Variants in ZNF500 observed in about 807,000 individuals in gnomAD.
ZNF500 encodes zinc finger protein with KRAB and SCAN domains 18.
A neutral mutation model predicts 30.1 loss-of-function variants in ZNF500; 31 were observed. The ratio of observed to expected loss-of-function variants is 1.03; its 90% CI spans 0.77 to 1.39. The LOEUF is 1.39. Among genes scored for constraint, ZNF500 ranks in the 40% most tolerant of loss-of-function variants. The pLI is 0.00. For synonymous variants in ZNF500, 392 were observed against 282.0 expected (o/e 1.39, Z -3.91); for missense variants, 817 against 657.8 (o/e 1.24, Z -2.65).
rs956107764 is a variant in ZNF500 at position 4,752,356 on chromosome 16, G to A, written c.*20C>T. The A allele has an allele frequency of 1.6e-5, 23 of 1,465,798 alleles. No homozygotes were observed. Among genetic ancestry groups the A allele is most frequent in the Non-Finnish European group, 1.2e-5 (13 of 1,112,658 alleles). The allele number at this position is 1,465,798 out of a possible 1,614,324, so 90.8% of individuals were successfully genotyped here. The stretch of plus-strand genomic sequence containing the variant: ...TGCCCAGGGATGAGAGTCCTGGAAA[G>A]GGAGTTTCAGGCCTGGTGATCAGGC... On this transcript the variant is annotated 3_prime_UTR_variant, in exon 6 of 6. Transcript: ENST00000219478.
downstream of ZNF500, among the ~76,000 whole-genome samples, chr16:4,747,851 C>A (rs1186330125): frequency 6.6e-6 from 1 of 152,136 alleles, no homozygotes; most frequent in Non-Finnish European, 1.5e-5. Flanking sequence ...CCTGTGACAA[C>A]AGCTTTGGGA....
rs149387638 is a variant in ZNF500 at position 4,762,320 on chromosome 16, C to T, written c.614G>A (p.Arg205Gln). ...CGAGGCTGACGCCATCTCCTGATGC[C>T]GGGGAGCTGGAGGGCCTGGGAAGGA... ...LWPERGPPAP[R>Q]HQEMASASPF... Residue 205 changes from arginine to glutamine, a missense_variant, in exon 4 of 6, where the codon CGG (arginine) becomes CAG (glutamine). Physicochemically the swap from Arg to Gln is conservative, Grantham distance 43. Coordinates refer to ENST00000219478, the MANE Select transcript of ZNF500 (RefSeq NM_021646.4). 21 of 1,608,936 alleles carry T rather than the reference C, an allele frequency of 1.3e-5. No individual in the cohort carries two copies. Among genetic ancestry groups the T allele is most frequent in the South Asian group, 8.9e-5 (8 of 90,242 alleles).
chr16:4,757,754 C>T (rs2082151806), intron 5 of ZNF500, among the ~76,000 whole-genome samples: 1 of 151,546 alleles, frequency 6.6e-6, no homozygotes, highest in South Asian at 2.1e-4. Context: ...AGATGAGTAC[C>T]ACCACACCCA....
chr16:4,762,505 C>T, intron 3 of ZNF500, 68 bp downstream of exon 3: 1 of 1,548,934 alleles, frequency 6.5e-7, no homozygotes, highest in South Asian at 1.2e-5. Context: ...GGCCACAGTC[C>T]ACACCCCAGT....
At chr16:4,744,727 T>C, downstream of ZNF500, 18 of 1,033,564 alleles carry the variant, frequency 1.7e-5, no homozygotes, top group Admixed American at 2.6e-5. Context: ...GAGGGCTGAG[T>C]AGGGAGAGGG....
In ZNF500 at chr16:4,765,778, G is replaced by A. The variant is rs1392366099; in HGVS notation, c.201C>T (p.Ala67=). 6.2e-7 allele frequency: 1 copy of A among 1,612,942 alleles called. No individual in the cohort carries two copies. The change falls in exon 2 of 6, where the codon GCC becomes GCT. Residue 67 remains alanine (A), a synonymous_variant. Transcript: ENST00000219478. The stretch of plus-strand genomic sequence containing the variant: ...AGCACAGCTCCCAGAGGCGGCTCAG[G>A]GCCTCCCGGGGCCCAGCCACCTCCT... ...CYQEVAGPRE[A]LSRLWELCCR...
At chr16:4,754,883 AT>A (rs1221460036) in intron 5 of ZNF500, among the ~76,000 whole-genome samples, 2 of 152,090 alleles carry the variant, frequency 1.3e-5, no homozygotes, top group Admixed American at 6.6e-5. Flanking sequence ...CAGATTTCTC[AT>A]GAATGGTTTG....
intron 1 of ZNF500, among the ~76,000 whole-genome samples, chr16:4,766,608 G>C (rs2082267472): frequency 6.6e-6 from 1 of 152,190 alleles, no homozygotes; most frequent in African/African-American, 2.4e-5. Flanking sequence ...GCGACAGAGA[G>C]AGACTCAAAC....
chr16:4,747,040 G>T, downstream of ZNF500: 1 of 1,515,372 alleles, frequency 6.6e-7, no homozygotes, highest in Non-Finnish European at 8.8e-7. Context: ...CCACCCAGGG[G>T]CCTCTCGCCA....
At chr16:4,757,564 T>C (rs2082149707) in intron 5 of ZNF500, among the ~76,000 whole-genome samples, 1 of 152,078 alleles carries the variant, frequency 6.6e-6, no homozygotes, top group South Asian at 2.1e-4. Flanking sequence ...CCTCTCAAGG[T>C]GCTGGGATTA....
chr16:4,761,369 G>C (rs1160481293), intron 4 of ZNF500, among the ~76,000 whole-genome samples: 1 of 151,716 alleles, frequency 6.6e-6, no homozygotes, highest in Non-Finnish European at 1.5e-5. Flanking sequence ...GAACCCGGGA[G>C]CCGGAGGTTG....
At chr16:4,753,853 G>A (rs902642817) in intron 5 of ZNF500, among the ~76,000 whole-genome samples, 2 of 152,214 alleles carry the variant, frequency 1.3e-5, no homozygotes, top group Admixed American at 6.5e-5. Context: ...CCCTGCTCTG[G>A]GCTGTTCTGG....
At chr16:4,747,698 C>T, downstream of ZNF500, 1 of 1,480,896 alleles carries the variant, frequency 6.8e-7, no homozygotes, top group Non-Finnish European at 9.0e-7. Context: ...GCCCCGGTGT[C>T]CCCTTGTTGT....
intron 4 of ZNF500, among the ~76,000 whole-genome samples, chr16:4,761,875 A>C (rs2141845897): frequency 6.6e-6 from 1 of 151,754 alleles, no homozygotes; most frequent in Middle Eastern, 3.4e-3. Flanking sequence ...AAACAAACAA[A>C]CAAACAAACA....
At chr16:4,748,000 A>G (rs2082039521), downstream of ZNF500, among the ~76,000 whole-genome samples, 1 of 152,120 alleles carries the variant, frequency 6.6e-6, no homozygotes, top group Non-Finnish European at 1.5e-5. Context: ...TCCATCAATA[A>G]GGTCTTTTTA....
In ZNF500 at chr16:4,752,530, G is replaced by T. The variant is rs757977626; in HGVS notation, c.1289C>A (p.Thr430Lys). The T allele has an allele frequency of 3.2e-6, 5 of 1,563,266 alleles. No homozygotes were observed. The highest frequency in any genetic ancestry group is 4.3e-6 in the Non-Finnish European group (5 of 1,158,916). Reference sequence around the variant, plus strand: ...GGTGTAGGGCTTCTCACCTGTGTGCGTCCGGCGGTGGGCGCTGAAGTGCGA... The same window carrying T: ...GGTGTAGGGCTTCTCACCTGTGTGCTTCCGGCGGTGGGCGCTGAAGTGCGA... The part of the protein sequence containing the change: ...NSSHFSAHRR[T>K]HTGEKPYTCP... Residue 430 changes from threonine to lysine, a missense_variant, in exon 6 of 6, where the codon ACG (threonine) becomes AAG (lysine). Coordinates refer to ENST00000219478, the MANE Select transcript of ZNF500 (RefSeq NM_021646.4).
chr16:4,746,399 C>T, downstream of ZNF500: 1 of 1,612,734 alleles, frequency 6.2e-7, no homozygotes, highest in Non-Finnish European at 8.5e-7. Flanking sequence ...AGCAGGGCTC[C>T]CAGGCTGGGC....
At position 4,748,493 on chromosome 16, in the gene ZNF500, C is replaced by G. The variant is rs2082047255; in HGVS notation, c.*3883G>C. On this transcript the variant is annotated 3_prime_UTR_variant, in exon 6 of 6. Transcript: ENST00000219478. ...AGAATACTGGAAACCCCTGGAAATG[C>G]TGTCCTGTGTAGAATGGAGCAGCGG... is the stretch of plus-strand genomic sequence containing the variant. The G allele has an allele frequency of 6.6e-6, 1 of 152,234 alleles. No homozygotes were observed. Among genetic ancestry groups the G allele is most frequent in the Admixed American group, 6.5e-5 (1 of 15,278 alleles). 9.4% of individuals were successfully genotyped at this position (152,234 alleles called of 1,614,324 possible). A position where few individuals can be genotyped will look rare whatever the true frequency, so the allele number is the denominator to read the frequency against.
intron 4 of ZNF500, 30 bp from the exon 5 acceptor site, chr16:4,760,618 C>A: frequency 6.2e-7 from 1 of 1,600,802 alleles, no homozygotes; most frequent in Non-Finnish European, 8.5e-7. Context: ...TCAGTCCTGG[C>A]CCCAAGCAAG....
Sources: gnomAD v4.1 joint callset for allele counts (sites outside exome capture counted in the v4.1 genomes callset) on GRCh38, gnomAD v4.1.1 for gene constraint, MANE v1.5 for transcripts, NCBI Gene and HGNC (gene_info 2026-07-23, HGNC 2026-07-21) for gene names.